Variants in PSD2 observed in about 807,000 individuals in gnomAD.
The protein encoded by PSD2 is pleckstrin and Sec7 domain containing 2.
A neutral mutation model predicts 69.8 loss-of-function variants in PSD2; 38 were observed. The observed-to-expected ratio is 0.54, with a 90% confidence interval of 0.42 to 0.71. PSD2 has a LOEUF of 0.71. Ranked by LOEUF, PSD2 falls within the 30% of genes least tolerant of loss-of-function variation. The pLI is 0.00. For missense variants in PSD2, 943 were observed against 1,014.5 expected (o/e 0.93, Z 0.96); for synonymous variants, 412 against 423.0 (o/e 0.97, Z 0.32).
At chr5:139,822,850 G>A in intron 7 of PSD2, 66 bp downstream of exon 7, 5 of 1,400,222 alleles carry the variant, frequency 3.6e-6, no homozygotes, top group Non-Finnish European at 4.9e-6. Context: ...GTTGATCCCG[G>A]CCCCTTCCTG....
At chr5:139,807,419 C>A (rs1171534939) in intron 1 of PSD2, among the ~76,000 whole-genome samples, 2 of 144,028 alleles carry the variant, frequency 1.4e-5, no homozygotes, top group African/African-American at 5.0e-5. Flanking sequence ...TCTGAGTATA[C>A]AACCAGAGGG....
At chr5:139,770,476 G>T in the PSD2 span, among the ~76,000 whole-genome samples, 2 of 152,272 alleles carry the variant, frequency 1.3e-5, no homozygotes, top group African/African-American at 4.8e-5. Context: ...AGAATTAGGA[G>T]AATTGCTTGA....
chr5:139,764,857 T>C, the PSD2 span, among the ~76,000 whole-genome samples: 1 of 152,186 alleles, frequency 6.6e-6, no homozygotes. Flanking sequence ...TAGGTTCTGG[T>C]CAGGGCAGGA....
the PSD2 span, among the ~76,000 whole-genome samples, chr5:139,778,329 GT>G: frequency 6.6e-6 from 1 of 152,222 alleles, no homozygotes; most frequent in Admixed American, 6.5e-5. Context: ...GGGACAGGCA[GT>G]GGTACACTGA....
intron 4 of PSD2, among the ~76,000 whole-genome samples, chr5:139,816,988 C>T (rs1760136755): frequency 6.6e-6 from 1 of 152,210 alleles, no homozygotes. Context: ...CCCATCCCTT[C>T]TATCTCTATC....
the PSD2 span, among the ~76,000 whole-genome samples, chr5:139,751,571 A>G: frequency 6.6e-6 from 1 of 152,206 alleles, no homozygotes; most frequent in Admixed American, 6.5e-5. Context: ...CCCTGGCTCT[A>G]CTTTACTTGT....
At chr5:139,779,825 G>T in the PSD2 span, among the ~76,000 whole-genome samples, 3 of 152,094 alleles carry the variant, frequency 2.0e-5, no homozygotes, top group Admixed American at 2.0e-4. Context: ...TAATGTTCTG[G>T]AGCTTCGTCC....
intron 1 of PSD2, among the ~76,000 whole-genome samples, chr5:139,806,122 A>G (rs1019266631): frequency 6.6e-6 from 1 of 152,220 alleles, no homozygotes; most frequent in Non-Finnish European, 1.5e-5. Flanking sequence ...CCAAGGGCTG[A>G]GGCTAGTGGG....
chr5:139,825,262 G>A (rs1386556361), intron 7 of PSD2, among the ~76,000 whole-genome samples: 5 of 152,220 alleles, frequency 3.3e-5, no homozygotes, highest in African/African-American at 7.2e-5. Flanking sequence ...AGCGGGAGCC[G>A]GCCATGGAAA....
chr5:139,827,642 T>C (rs1358348109), intron 7 of PSD2, among the ~76,000 whole-genome samples: 2 of 152,248 alleles, frequency 1.3e-5, no homozygotes, highest in Non-Finnish European at 2.9e-5. Flanking sequence ...AGAGGCTTCA[T>C]TGACTCACAG....
chr5:139,830,088 T>C (rs918184319), intron 7 of PSD2, among the ~76,000 whole-genome samples: 1 of 151,920 alleles, frequency 6.6e-6, no homozygotes, highest in African/African-American at 2.4e-5. Flanking sequence ...TGGTATCTCA[T>C]TGTGGTTTGG....
Position 139,814,916 on chromosome 5 carries a change from G to A in PSD2, c.1016+552G>A, listed in dbSNP as rs560865071. Among the ~76,000 whole-genome samples, 3 of 152,320 alleles carry A rather than the reference G, an allele frequency of 2.0e-5. No homozygotes were observed. Among genetic ancestry groups the A allele is most frequent in the African/African-American group, 4.8e-5 (2 of 41,580 alleles). On this transcript the variant is annotated intron_variant, in intron 4 of 14. Coordinates refer to ENST00000274710, the MANE Select transcript of PSD2 (RefSeq NM_032289.4). This position sits in a 1 kb window ranked among gnomAD's most constrained non-coding sequence, Gnocchi z 4.4. ...AGGGGACAGGCGGGATTGCAGGACC[G>A]AGGAAGTCTGCCGGCACATTCTGCT...
chr5:139,840,804 G>C (rs560553318), intron 14 of PSD2, among the ~76,000 whole-genome samples: 5 of 151,922 alleles, frequency 3.3e-5, no homozygotes, highest in African/African-American at 4.8e-5. Flanking sequence ...CACCTGCCTC[G>C]GCCTCCCAAA....
intron 7 of PSD2, among the ~76,000 whole-genome samples, chr5:139,824,804 C>T (rs997721106): frequency 1.3e-5 from 2 of 152,204 alleles, no homozygotes; most frequent in Non-Finnish European, 2.9e-5. Context: ...TTCAGAGCAC[C>T]TGATGCTTTG....
the PSD2 span, among the ~76,000 whole-genome samples, chr5:139,770,486 A>G: frequency 2.6e-5 from 4 of 152,104 alleles, no homozygotes; most frequent in Non-Finnish European, 5.9e-5. Flanking sequence ...GAATTGCTTG[A>G]ACTGGGGAGT....
chr5:139,807,093 G>A (rs1759827622), intron 1 of PSD2, among the ~76,000 whole-genome samples: 1 of 152,256 alleles, frequency 6.6e-6, no homozygotes, highest in Non-Finnish European at 1.5e-5. Context: ...TGGTGCTGGT[G>A]TAGGCTGAGC....
chr5:139,748,717 C>A, the PSD2 span, among the ~76,000 whole-genome samples: 4 of 152,264 alleles, frequency 2.6e-5, no homozygotes, highest in Non-Finnish European at 5.9e-5. Flanking sequence ...GGGCGCTGAG[C>A]CCCCGGCCCG....
Position 139,795,823 on chromosome 5 carries a change from C to T in PSD2, c.-203C>T, listed in dbSNP as rs1358169371. The T allele has an allele frequency of 6.6e-6, 1 of 151,682 alleles. No individual in the cohort carries two copies. Among genetic ancestry groups the T allele is most frequent in the Admixed American group, 6.6e-5 (1 of 15,190 alleles). 9.4% of individuals were successfully genotyped at this position (151,682 alleles called of 1,614,324 possible). ...CCTCCCTCCTGCCGTCCGTCCCCCT[C>T]GCTCAGCCTCTCCACATCGCGGCTC... On this transcript the variant is annotated 5_prime_UTR_variant, in exon 1 of 15. Transcript: ENST00000274710. This position sits in a 1 kb window ranked among gnomAD's most constrained non-coding sequence, Gnocchi z 4.5.
chr5:139,779,249 AC>A, the PSD2 span, among the ~76,000 whole-genome samples: 2 of 152,208 alleles, frequency 1.3e-5, no homozygotes, highest in Admixed American at 1.3e-4. Context: ...TATACACTGC[AC>A]CCAATTTGTG....
Sources: allele counts gnomAD v4.1 joint callset (sites outside exome capture counted in the v4.1 genomes callset), GRCh38; gene constraint gnomAD v4.1.1; non-coding constraint Gnocchi (gnomAD v3.1); transcripts MANE v1.5; gene names NCBI Gene and HGNC (gene_info 2026-07-23, HGNC 2026-07-21).